PBX1: variants seen among roughly 807,000 people sequenced by gnomAD.
PBX1 encodes the protein PBX homeobox 1.
Under a neutral mutation model 53.4 loss-of-function variants are expected in PBX1, and 6 were observed. That is an observed-to-expected ratio of 0.11 (90% CI 0.06 to 0.22). The LOEUF (loss-of-function observed/expected upper bound fraction) is 0.22. PBX1 is among the 10% of genes least tolerant of loss of function. The pLI is 1.00. For synonymous variants in PBX1, 204 were observed against 212.3 expected, an observed-to-expected ratio of 0.96 and a Z score of 0.34; for missense variants, 251 against 551.4, an observed-to-expected ratio of 0.46 and a Z score of 5.46.
At chr1:164,855,201 C>T (rs924061500), downstream of PBX1, among the ~76,000 whole-genome samples, 1 of 152,094 alleles carries the variant, frequency 6.6e-6, no homozygotes, top group South Asian at 2.1e-4. Flanking sequence ...CTACATTGGC[C>T]TCCCAAAGTG....
At chr1:164,687,477 C>T (rs1386880918) in intron 2 of PBX1, among the ~76,000 whole-genome samples, 1 of 150,172 alleles carries the variant, frequency 6.7e-6, no homozygotes, top group African/African-American at 2.5e-5. Context: ...TGGGAGGATC[C>T]ACCTGAGCCC....
chr1:164,736,872 G>A (rs1215587710), intron 2 of PBX1, among the ~76,000 whole-genome samples: 1 of 152,228 alleles, frequency 6.6e-6, no homozygotes, highest in Non-Finnish European at 1.5e-5. Context: ...GAAGGCTAGA[G>A]TTTCACTCTA....
At chr1:164,706,932 C>T (rs2102062549) in intron 2 of PBX1, among the ~76,000 whole-genome samples, 1 of 152,256 alleles carries the variant, frequency 6.6e-6, no homozygotes, top group South Asian at 2.1e-4. Context: ...AACTGAAAAC[C>T]CCTTCCTAGT....
intron 2 of PBX1, among the ~76,000 whole-genome samples, chr1:164,606,406 T>C (rs1656560450): frequency 1.3e-5 from 2 of 151,974 alleles, no homozygotes; most frequent in South Asian, 4.2e-4. Context: ...ACAAGAATTG[T>C]TTGAACCTGG....
At chr1:164,603,929 A>ATTTCATTTTTTTTT (rs1656369037) in intron 2 of PBX1, among the ~76,000 whole-genome samples, 12 of 75,740 alleles carry the variant, frequency 1.6e-4, no homozygotes, top group African/African-American at 7.4e-4. Flanking sequence ...ATGTCATTTC[A>ATTTCATTTTTTTTT]TTTTTTTTTT....
intron 2 of PBX1, among the ~76,000 whole-genome samples, chr1:164,751,614 G>A (rs1261612641): frequency 1.7e-5 from 2 of 116,446 alleles, no homozygotes; most frequent in African/African-American, 3.5e-5. Context: ...CAAGAGTCTT[G>A]CTCTGTCGCC....
intron 2 of PBX1, among the ~76,000 whole-genome samples, chr1:164,597,269 T>C (rs899869539): frequency 6.6e-6 from 1 of 152,236 alleles, no homozygotes; most frequent in Non-Finnish European, 1.5e-5. Flanking sequence ...ATGTGGCCCC[T>C]CAGGGCCTTC....
intron 2 of PBX1, among the ~76,000 whole-genome samples, chr1:164,774,866 C>A (rs573935950): frequency 6.6e-6 from 1 of 152,298 alleles, no homozygotes; most frequent in South Asian, 2.1e-4. Context: ...CAGGAATATA[C>A]AGTAGCCTTT....
chr1:164,767,919 AG>A (rs1379582377), intron 2 of PBX1, among the ~76,000 whole-genome samples: 2 of 152,238 alleles, frequency 1.3e-5, no homozygotes, highest in Non-Finnish European at 2.9e-5. Flanking sequence ...TTTCAAATGA[AG>A]GACTCATGTT....
chr1:164,859,577 A>C (rs1269039834), intron 2 of PBX1, among the ~76,000 whole-genome samples: 2 of 152,102 alleles, frequency 1.3e-5, no homozygotes. Context: ...CATTGCCAAT[A>C]CCCCCTCTAT....
In PBX1 at chr1:164,826,271, T is replaced by C. The variant is rs184964793; in HGVS notation, c.1200+4645T>C. 1.6e-3 allele frequency among the ~76,000 whole-genome samples: 232 copies of C among 148,516 alleles called. No individual in the cohort carries two copies. The Middle Eastern group carries it at 0.021, about 13-fold the overall frequency. ...CTATTCTTTCTAGCCAACCCCAGTG[T>C]TCAAATTATATCTTGAAACCCAAAT... On this transcript the variant is annotated intron_variant, in intron 8 of 8. Transcript: ENST00000420696.
Position 164,849,414 on chromosome 1 carries a change from A to C in PBX1, c.*2738A>C. 5 of 1,535,556 alleles carry C rather than the reference A, an allele frequency of 3.3e-6. No homozygotes were observed. The highest frequency in any genetic ancestry group is 4.4e-6 in the Non-Finnish European group (5 of 1,146,704). ...CGTGGCATCCGTGAGATCTGTCCAC[A>C]TTAGGCGAAGCAGGAGAACACTGAG... On this transcript the variant is annotated 3_prime_UTR_variant, in exon 9 of 9. Coordinates refer to ENST00000420696, the MANE Select transcript of PBX1 (RefSeq NM_002585.4).
chr1:164,747,357 A>C (rs551344402), intron 2 of PBX1, among the ~76,000 whole-genome samples: 1 of 152,150 alleles, frequency 6.6e-6, no homozygotes, highest in South Asian at 2.1e-4. Flanking sequence ...ATATGTATGT[A>C]TGTATTTTAT....
chr1:164,673,465 C>CTTTTTTTTTTTTTTTTTTTTTTTTT (rs1171916726), intron 2 of PBX1, among the ~76,000 whole-genome samples: 1 of 109,406 alleles, frequency 9.1e-6, no homozygotes. Flanking sequence ...AAATTACTAA[C>CTTTTTTTTTTTTTTTTTTTTTTTTT]TTTTTTTTTT....
In PBX1 at chr1:164,703,921, C is replaced by T. The variant is rs76140487; in HGVS notation, c.266-88573C>T. 7.0e-3 allele frequency among the ~76,000 whole-genome samples: 1,071 copies of T among 152,216 alleles called. 38 individuals are homozygous for T. In the South Asian group the frequency reaches 0.09, roughly 13 times the overall value. ...ACAAATCTCTTTTTATTGGCATTTC[C>T]TCCAATTTAACCAGCCCTGAATTGC... On this transcript the variant is annotated intron_variant, in intron 2 of 8. Coordinates refer to ENST00000420696, the MANE Select transcript of PBX1 (RefSeq NM_002585.4).
Position 164,705,638 on chromosome 1 carries a change from G to A in PBX1, c.266-86856G>A, listed in dbSNP as rs149386174. ...TGTTTGCCTTTTTGATTTTTCACATGCATATGCAGAAACATGTATATGTAT... is the reference window on the plus strand; with the variant it reads ...TGTTTGCCTTTTTGATTTTTCACATACATATGCAGAAACATGTATATGTAT... On this transcript the variant is annotated intron_variant, in intron 2 of 8. Coordinates refer to ENST00000420696, the MANE Select transcript of PBX1 (RefSeq NM_002585.4). Among the ~76,000 whole-genome samples the A allele has an allele frequency of 5.6e-3, 859 of 152,260 alleles. 12 individuals are homozygous for A. The highest frequency in any genetic ancestry group is 0.02 in the African/African-American group (818 of 41,536).
At chr1:164,878,539 A>G (rs374489227) in intron 2 of PBX1, among the ~76,000 whole-genome samples, 4 of 152,254 alleles carry the variant, frequency 2.6e-5, no homozygotes, top group African/African-American at 9.6e-5. Context: ...GATGAAACTG[A>G]GATGGAGAGG....
chr1:164,602,998 C>T (rs1571044039), intron 2 of PBX1, among the ~76,000 whole-genome samples: 1 of 152,052 alleles, frequency 6.6e-6, no homozygotes, highest in Non-Finnish European at 1.5e-5. Flanking sequence ...TTTCAGCTCT[C>T]CTTTCTTCTT....
chr1:164,712,562 G>A (rs1359618453), intron 2 of PBX1, among the ~76,000 whole-genome samples: 5 of 152,142 alleles, frequency 3.3e-5, no homozygotes, highest in South Asian at 4.1e-4. Context: ...GGTTGATATC[G>A]GAAGGCACAG....
Sources: gnomAD v4.1 joint callset for allele counts (sites outside exome capture counted in the v4.1 genomes callset) on GRCh38, gnomAD v4.1.1 for gene constraint, MANE v1.5 for transcripts, NCBI Gene and HGNC (gene_info 2026-07-23, HGNC 2026-07-21) for gene names.